IL1RAPL1: variants seen among roughly 807,000 people sequenced by gnomAD.
IL1RAPL1 encodes the protein interleukin-1 receptor accessory protein-like 1.
In IL1RAPL1, 3 loss-of-function variants were observed where a neutral mutation model predicts 48.4. The ratio of observed to expected loss-of-function variants is 0.06; its 90% CI spans 0.03 to 0.16. IL1RAPL1 has a LOEUF of 0.16. IL1RAPL1 is among the 10% of genes least tolerant of loss of function. The probability of loss-of-function intolerance (pLI) is 1.00; values close to 1 mark genes in which losing one functional copy is unlikely to be tolerated. For synonymous variants in IL1RAPL1, 185 were observed against 187.7 expected, an observed-to-expected ratio of 0.99 and a Z score of 0.12; for missense variants, 349 against 530.6, an observed-to-expected ratio of 0.66 and a Z score of 3.36.
At chrX:29,414,453 T>G (rs1301951726) in intron 5 of IL1RAPL1, among the ~76,000 whole-genome samples, 1 of 111,827 alleles carries the variant, frequency 8.9e-6, no homozygotes, top group Non-Finnish European at 1.9e-5. Context: ...GTGTGGTGGC[T>G]TGCCCCTGTA....
intron 5 of IL1RAPL1, among the ~76,000 whole-genome samples, chrX:29,633,533 A>G (rs916212764): frequency 4.5e-5 from 5 of 110,050 alleles, no homozygotes; most frequent in Non-Finnish European, 7.6e-5. Flanking sequence ...TCAAATATTT[A>G]ATTTGTGCTT....
chrX:29,720,556 G>C (rs1927611686), intron 6 of IL1RAPL1, among the ~76,000 whole-genome samples: 1 of 110,687 alleles, frequency 9.0e-6, no homozygotes, highest in South Asian at 3.8e-4. Context: ...TGAACAATGA[G>C]AACACATGGA....
intron 2 of IL1RAPL1, among the ~76,000 whole-genome samples, chrX:29,000,780 T>C (rs2147387816): frequency 9.0e-6 from 1 of 111,359 alleles, no homozygotes; most frequent in Admixed American, 9.6e-5. Flanking sequence ...AATTATACAA[T>C]TTTGTGGTAG....
intron 6 of IL1RAPL1, among the ~76,000 whole-genome samples, chrX:29,879,285 T>C (rs1404860906): frequency 1.8e-5 from 2 of 108,551 alleles, no homozygotes; most frequent in African/African-American, 6.7e-5. Context: ...AAAGGAATAA[T>C]AGGATTAAGA....
At chrX:29,575,388 C>T (rs1922742168) in intron 5 of IL1RAPL1, among the ~76,000 whole-genome samples, 1 of 111,667 alleles carries the variant, frequency 9.0e-6, no homozygotes, top group African/African-American at 3.3e-5. Context: ...AGCAGTGCAG[C>T]CTTCAGTCTG....
At chrX:29,374,525 C>T (rs147694205) in intron 3 of IL1RAPL1, among the ~76,000 whole-genome samples, 3,161 of 108,950 alleles carry the variant, frequency 0.029, 54 homozygotes, top group Non-Finnish European at 0.044. Context: ...TTGCTTTTGG[C>T]CGCACCAGCC....
At chrX:29,863,619 G>A (rs12859425) in intron 6 of IL1RAPL1, among the ~76,000 whole-genome samples, 31 of 111,806 alleles carry the variant, frequency 2.8e-4, no homozygotes, top group Middle Eastern at 9.2e-3. Context: ...TGGGAGAAAA[G>A]TTTATGTGGA....
intron 1 of IL1RAPL1, among the ~76,000 whole-genome samples, chrX:28,742,225 T>A (rs1935916935): frequency 9.0e-6 from 1 of 110,966 alleles, no homozygotes; most frequent in South Asian, 3.8e-4. Flanking sequence ...CAAATTAAAA[T>A]ACCAGTAAAG....
chrX:29,802,907 A>G (rs1293496888), intron 6 of IL1RAPL1, among the ~76,000 whole-genome samples: 3 of 49,352 alleles, frequency 6.1e-5, no homozygotes, highest in Non-Finnish European at 7.9e-5. Flanking sequence ...ATATATGTGT[A>G]TATATGTGTA....
chrX:28,645,204 G>A (rs187713769), intron 1 of IL1RAPL1, among the ~76,000 whole-genome samples: 4 of 107,664 alleles, frequency 3.7e-5, no homozygotes, highest in Non-Finnish European at 5.8e-5. Flanking sequence ...AAAATTAGTC[G>A]GGTATGGTGG....
At chrX:29,088,227 A>T (rs1184733110) in intron 2 of IL1RAPL1, among the ~76,000 whole-genome samples, 2 of 112,239 alleles carry the variant, frequency 1.8e-5, no homozygotes, top group Non-Finnish European at 3.8e-5. Flanking sequence ...ATCAAGCAAC[A>T]TTACTGAACA....
intron 5 of IL1RAPL1, among the ~76,000 whole-genome samples, chrX:29,589,187 C>G (rs1301329161): frequency 1.8e-5 from 2 of 112,003 alleles, no homozygotes; most frequent in Admixed American, 1.9e-4. Flanking sequence ...ATGCATTTTC[C>G]AAGCCATTGA....
intron 2 of IL1RAPL1, among the ~76,000 whole-genome samples, chrX:29,076,653 A>G (rs934829477): frequency 2.7e-5 from 3 of 111,107 alleles, no homozygotes; most frequent in Admixed American, 9.6e-5. Flanking sequence ...CATTCATTCA[A>G]AAACATTATT....
intron 6 of IL1RAPL1, among the ~76,000 whole-genome samples, chrX:29,690,555 C>T (rs1029082264): frequency 2.7e-5 from 3 of 110,510 alleles, no homozygotes; most frequent in African/African-American, 9.8e-5. Context: ...TTTAGGTTGC[C>T]GTGTTTCTGA....
chrX:29,156,662 A>G (rs4893607), intron 2 of IL1RAPL1, among the ~76,000 whole-genome samples: 21,794 of 110,837 alleles, frequency 0.2, 1,827 homozygotes, highest in East Asian at 0.45. Context: ...CCCTGAAAAC[A>G]TGCTCAGTTG....
At chrX:29,055,283 T>C (rs752132283) in intron 2 of IL1RAPL1, among the ~76,000 whole-genome samples, 1 of 111,586 alleles carries the variant, frequency 9.0e-6, no homozygotes, top group South Asian at 3.7e-4. Flanking sequence ...TGTCTTGCTT[T>C]GTTTTTACCT....
chrX:28,953,243 C>T (rs934279711), intron 2 of IL1RAPL1, among the ~76,000 whole-genome samples: 1 of 111,209 alleles, frequency 9.0e-6, no homozygotes, highest in Non-Finnish European at 1.9e-5. Context: ...AGTCTAAAAA[C>T]GCTACATAAT....
At chrX:29,640,581 T>C (rs1268719783) in intron 5 of IL1RAPL1, among the ~76,000 whole-genome samples, 1 of 111,516 alleles carries the variant, frequency 9.0e-6, no homozygotes, top group East Asian at 2.8e-4. Context: ...CCCACAGGAG[T>C]AAATGGCAAC....
chrX:29,357,150 G>C (rs1933316206), intron 3 of IL1RAPL1, among the ~76,000 whole-genome samples: 1 of 111,572 alleles, frequency 9.0e-6, no homozygotes, highest in African/African-American at 3.3e-5. Context: ...AATACTGCTA[G>C]GATTTAGAAT....
Sources: allele counts gnomAD v4.1 joint callset (sites outside exome capture counted in the v4.1 genomes callset), GRCh38; gene constraint gnomAD v4.1.1; transcripts MANE v1.5; gene names NCBI Gene and HGNC (gene_info 2026-07-23, HGNC 2026-07-21).